Variants in PARVA observed in about 807,000 individuals in gnomAD.
The protein encoded by PARVA is alpha-parvin.
Under a neutral mutation model 52.6 loss-of-function variants are expected in PARVA, and 25 were observed. That is an observed-to-expected ratio of 0.48 (90% CI 0.35 to 0.66). The LOEUF (loss-of-function observed/expected upper bound fraction) is 0.66. PARVA is among the 30% of genes least tolerant of loss of function. The pLI is 0.01. For synonymous variants in PARVA, 185 were observed against 179.1 expected (o/e 1.03, Z -0.26); for missense variants, 373 against 450.9 (o/e 0.83, Z 1.56).
chr11:12,387,914 G>A (rs1185888947), intron 1 of PARVA, among the ~76,000 whole-genome samples: 1 of 152,232 alleles, frequency 6.6e-6, no homozygotes, highest in East Asian at 1.9e-4. Context: ...CAAGATTTAG[G>A]AGAGATAAGA....
chr11:12,382,212 C>G (rs778964763), intron 1 of PARVA, among the ~76,000 whole-genome samples: 1 of 152,202 alleles, frequency 6.6e-6, no homozygotes, highest in Non-Finnish European at 1.5e-5. Flanking sequence ...TTACATTTCT[C>G]TCATCTGCAG....
chr11:12,521,946 G>A (rs1331118205), intron 12 of PARVA, among the ~76,000 whole-genome samples: 1 of 152,146 alleles, frequency 6.6e-6, no homozygotes, highest in Non-Finnish European at 1.5e-5. Flanking sequence ...AAATGCAGCT[G>A]TGCTGACACC....
chr11:12,389,079 TA>T, intron 1 of PARVA, among the ~76,000 whole-genome samples: 1 of 152,262 alleles, frequency 6.6e-6, no homozygotes, highest in East Asian at 1.9e-4. Context: ...TGCTTGGAAT[TA>T]AAACCAACAT....
At chr11:12,489,080 T>G (rs1303042841) in intron 4 of PARVA, among the ~76,000 whole-genome samples, 1 of 151,948 alleles carries the variant, frequency 6.6e-6, no homozygotes, top group African/African-American at 2.4e-5. Context: ...GCCCCAGCAC[T>G]TTGGGAAGCC....
In PARVA at chr11:12,496,593, T is replaced by G; in HGVS notation, c.536T>G (p.Val179Gly). The change falls in exon 5 of 13, where the codon GTG becomes GGG. Residue 179 changes from valine to glycine, a missense_variant. Transcript: ENST00000334956. Reference protein sequence around the residue: ...KLPPRSIKWNVDSVHAKSLVA... With the variant: ...KLPPRSIKWNGDSVHAKSLVA... ...CCTCCCAGGAGCATCAAGTGGAATG[T>G]GGATTGTGAGTTGAACAAAGGAAAG... The G allele has an allele frequency of 3.1e-6, 5 of 1,611,762 alleles. No homozygotes were observed. The highest frequency in any genetic ancestry group is 4.2e-6 in the Non-Finnish European group (5 of 1,179,098).
chr11:12,439,372 C>T (rs183604984), intron 1 of PARVA, among the ~76,000 whole-genome samples: 55 of 152,342 alleles, frequency 3.6e-4, no homozygotes, highest in African/African-American at 1.3e-3. Context: ...TTGCCACTGA[C>T]CTTCCATTAC....
intron 1 of PARVA, among the ~76,000 whole-genome samples, chr11:12,421,402 A>G (rs1012738341): frequency 3.3e-5 from 5 of 152,188 alleles, no homozygotes; most frequent in African/African-American, 1.2e-4. Context: ...CCTCAACACC[A>G]TTTATCAGAT....
intron 4 of PARVA, among the ~76,000 whole-genome samples, chr11:12,486,033 C>T (rs906178108): frequency 4.6e-5 from 7 of 152,064 alleles, no homozygotes; most frequent in African/African-American, 1.4e-4. Flanking sequence ...AGAAAAAGGG[C>T]ATTAGAAAAA....
chr11:12,534,162 C>T lies in PARVA; in HGVS notation c.*6237C>T, dbSNP rs753371021. Among the ~76,000 whole-genome samples the T allele has an allele frequency of 6.4e-4, 98 of 152,100 alleles. No homozygotes were observed. The highest frequency in any genetic ancestry group is 2.1e-3 in the African/African-American group (86 of 41,472). On this transcript the variant is annotated 3_prime_UTR_variant, in exon 13 of 13. Coordinates refer to ENST00000334956, the MANE Select transcript of PARVA (RefSeq NM_018222.5). ...AAGCCTGGGCAACAGAGCAAGACTGCGTCTCAAAAAAACAAAACAAAACAA... is the reference window on the plus strand; with the variant it reads ...AAGCCTGGGCAACAGAGCAAGACTGTGTCTCAAAAAAACAAAACAAAACAA...
Position 12,377,603 on chromosome 11 carries a change from G to A in PARVA, c.-45G>A. The stretch of plus-strand genomic sequence containing the variant: ...CCGCCGCCCGCTGCGTCCGCCCAGC[G>A]CCAGCTCCGCGTCCCGACCGGCCCG... On this transcript the variant is annotated 5_prime_UTR_variant, in exon 1 of 13. Coordinates refer to ENST00000334956, the MANE Select transcript of PARVA (RefSeq NM_018222.5). 6.5e-7 allele frequency: 1 copy of A among 1,530,290 alleles called. No homozygotes were observed. The highest frequency in any genetic ancestry group is 2.8e-5 in the East Asian group (1 of 36,284). The allele number at this position is 1,530,290 out of a possible 1,614,324, so 94.8% of individuals were successfully genotyped here.
chr11:12,475,103 T>C (rs1236108075), intron 3 of PARVA, among the ~76,000 whole-genome samples: 3 of 152,204 alleles, frequency 2.0e-5, no homozygotes, highest in Non-Finnish European at 2.9e-5. Context: ...GACTCCTTGC[T>C]CTAGCTGCCT....
Position 12,518,476 on chromosome 11 carries a change from T to C in PARVA, c.1001T>C (p.Met334Thr), listed in dbSNP as rs750152292. ...AATGTCTCCTTTGCCTTTGAGCTCA[T>C]GCAAGATGGAGGGTTGGAAAAGCCA... ...VLNVSFAFEL[M>T]QDGGLEKPKP... The change falls in exon 12 of 13, where the codon ATG becomes ACG. Residue 334 changes from methionine to threonine, a missense_variant. By Grantham distance (81) the Met-to-Thr change is moderately conservative. Transcript: ENST00000334956. 1.9e-6 allele frequency: 3 copies of C among 1,613,798 alleles called. No homozygotes were observed. Among genetic ancestry groups the C allele is most frequent in the East Asian group, 2.2e-5 (1 of 44,870 alleles).
intron 1 of PARVA, among the ~76,000 whole-genome samples, chr11:12,429,046 T>C (rs575799035): frequency 1.3e-5 from 2 of 152,220 alleles, no homozygotes; most frequent in Admixed American, 1.3e-4. Flanking sequence ...AGTGCGATCA[T>C]AGCTCACTGC....
At chr11:12,469,041 C>T (rs1417149646) in intron 1 of PARVA, among the ~76,000 whole-genome samples, 1 of 152,110 alleles carries the variant, frequency 6.6e-6, no homozygotes, top group Non-Finnish European at 1.5e-5. Flanking sequence ...TATACTGGAA[C>T]AAAATGAGGG....
intron 1 of PARVA, among the ~76,000 whole-genome samples, chr11:12,448,499 C>A (rs1247245840): frequency 6.6e-6 from 1 of 152,174 alleles, no homozygotes; most frequent in East Asian, 1.9e-4. Flanking sequence ...CTTGGCAATT[C>A]TCTGGGATGA....
At chr11:12,509,451 CT>C (rs1256299936) in intron 7 of PARVA, among the ~76,000 whole-genome samples, 1 of 152,188 alleles carries the variant, frequency 6.6e-6, no homozygotes, top group African/African-American at 2.4e-5. Context: ...GTGGTCACAG[CT>C]GTGACTTCGT....
chr11:12,416,485 A>G (rs1431763226), intron 1 of PARVA, among the ~76,000 whole-genome samples: 1 of 152,208 alleles, frequency 6.6e-6, no homozygotes, highest in Non-Finnish European at 1.5e-5. Context: ...TCATTTCCAC[A>G]GAACCTAAAT....
At chr11:12,415,929 G>A (rs529779682) in intron 1 of PARVA, among the ~76,000 whole-genome samples, 35 of 152,342 alleles carry the variant, frequency 2.3e-4, no homozygotes, top group African/African-American at 8.2e-4. Flanking sequence ...GTGAAAAGGC[G>A]TAGCGCCTTC....
At chr11:12,476,828 T>C (rs1205502935) in intron 3 of PARVA, among the ~76,000 whole-genome samples, 1 of 152,202 alleles carries the variant, frequency 6.6e-6, no homozygotes, top group Non-Finnish European at 1.5e-5. Context: ...CACCCAGGGA[T>C]GGCAACGCTG....
Sources: gnomAD v4.1 joint callset for allele counts (sites outside exome capture counted in the v4.1 genomes callset) on GRCh38, gnomAD v4.1.1 for gene constraint, MANE v1.5 for transcripts, NCBI Gene and HGNC (gene_info 2026-07-23, HGNC 2026-07-21) for gene names.